The following ANKMY1 variants were observed in gnomAD, a reference collection of about 807,000 sequenced individuals.
The protein encoded by ANKMY1 is ankyrin repeat and MYND domain-containing protein 1.
Under a neutral mutation model 102.0 loss-of-function variants are expected in ANKMY1, and 98 were observed. The ratio of observed to expected loss-of-function variants is 0.96; its 90% CI spans 0.82 to 1.14. The LOEUF (loss-of-function observed/expected upper bound fraction) is 1.14, where lower values mean the gene tolerates loss of function less well. ANKMY1 is among the 50% of genes most tolerant of loss of function. The pLI is 0.00. For missense variants in ANKMY1, 1,330 were observed against 1,347.6 expected (o/e 0.99, Z 0.20); for synonymous variants, 582 against 559.9 (o/e 1.04, Z -0.56).
intron 9 of ANKMY1, among the ~76,000 whole-genome samples, chr2:240,517,302 A>G (rs1255566331): frequency 6.6e-6 from 1 of 152,168 alleles, no homozygotes; most frequent in Admixed American, 6.6e-5. Context: ...TCCTTTGCAC[A>G]CTTCCGGGCA....
Position 240,529,301 on chromosome 2 carries a change from T to A in ANKMY1, c.689A>T (p.Glu230Val), listed in dbSNP as rs750601279. The A allele has an allele frequency of 2.9e-5, 47 of 1,614,172 alleles. No individual in the cohort carries two copies. The highest frequency in any genetic ancestry group is 3.8e-5 in the Non-Finnish European group (45 of 1,180,036). Residue 230 changes from glutamate to valine, a missense_variant, in exon 5 of 18, where the codon GAG becomes GTG. Coordinates refer to ENST00000401804, the MANE Select transcript of ANKMY1 (RefSeq NM_001282771.3). This position sits in a 1 kb window ranked among gnomAD's most constrained non-coding sequence, Gnocchi z 4.2. ...RISLSEEEKT[E>V]WGLQEGQDPF... The stretch of plus-strand genomic sequence containing the variant: ...ATCCTGTCCCTCCTGCAGTCCCCAC[T>A]CCGTTTTCTCCTCTTCTGAGAGGCT...
downstream of ANKMY1, among the ~76,000 whole-genome samples, chr2:240,478,467 G>A (rs960629517): frequency 4.6e-5 from 7 of 152,222 alleles, no homozygotes; most frequent in African/African-American, 1.7e-4. Flanking sequence ...AGACCCCCCT[G>A]AGCAGGAACA....
Position 240,499,824 on chromosome 2 carries a change from C to T in ANKMY1, c.2806+134G>A. ...CTTGGACGACGGGACACAAAGGGGACAAGCCGACGAGCCCAGCCCCAGGAA... is the reference window on the plus strand; with the variant it reads ...CTTGGACGACGGGACACAAAGGGGATAAGCCGACGAGCCCAGCCCCAGGAA... On this transcript the variant is annotated intron_variant, in intron 15 of 17. Coordinates refer to ENST00000401804, the MANE Select transcript of ANKMY1 (RefSeq NM_001282771.3). The surrounding 1 kb of genome is among the most constrained non-coding windows in gnomAD (Gnocchi z 4.2). 1 of 1,186,638 alleles carries T rather than the reference C, an allele frequency of 8.4e-7. No homozygotes were observed. Among genetic ancestry groups the T allele is most frequent in the Non-Finnish European group, 1.1e-6 (1 of 870,976 alleles). The allele number at this position is 1,186,638 out of a possible 1,614,324, so 73.5% of individuals were successfully genotyped here.
At chr2:240,536,759 C>G (rs1397470049) in intron 4 of ANKMY1, among the ~76,000 whole-genome samples, 1 of 152,184 alleles carries the variant, frequency 6.6e-6, no homozygotes, top group African/African-American at 2.4e-5. Context: ...GTGGATCAGG[C>G]AGTTAATAAA....
chr2:240,544,212 G>A (rs1184660368), intron 4 of ANKMY1, among the ~76,000 whole-genome samples: 1 of 152,136 alleles, frequency 6.6e-6, no homozygotes, highest in Non-Finnish European at 1.5e-5. Context: ...AATTTTTCAT[G>A]AGAAAGAAAT....
upstream of ANKMY1, chr2:240,561,006 A>AGCCGCTCGGCCGCC: frequency 1.3e-6 from 2 of 1,538,308 alleles, no homozygotes; most frequent in Non-Finnish European, 1.7e-6. Context: ...GAACGGCCGC[A>AGCCGCTCGGCCGCC]GCCGCTCGGC....
rs200827415 is a variant in ANKMY1 at position 240,529,120 on chromosome 2, C to T, written c.870G>A (p.Pro290=). Residue 290 remains proline (P), a synonymous_variant, in exon 5 of 18, where the codon CCG becomes CCA. Transcript: ENST00000401804. This position sits in a 1 kb window ranked among gnomAD's most constrained non-coding sequence, Gnocchi z 4.2. ...DARIFLNEIP[P]FVEDGEPWFI... ...ACCATGGTTCTCCATCCTCAACGAA[C>T]GGAGGAATTTCATTGAGGAAGATGC... 310 of 1,614,146 alleles carry T rather than the reference C, an allele frequency of 1.9e-4. No individual in the cohort carries two copies. Among genetic ancestry groups the T allele is most frequent in the Admixed American group, 3.0e-4 (18 of 60,026 alleles).
In ANKMY1 at chr2:240,520,257, A is replaced by C; in HGVS notation, c.2004+105T>G. The C allele has an allele frequency of 2.5e-5, 37 of 1,474,400 alleles. No individual in the cohort carries two copies. The highest frequency in any genetic ancestry group is 3.1e-5 in the Non-Finnish European group (34 of 1,090,378). The allele number at this position is 1,474,400 out of a possible 1,614,324, so 91.3% of individuals were successfully genotyped here. ...CTCACAGCCCAGGTGGTCGCCTGCA[A>C]GAGCCCACCCCTCTCTTCCGCGCCT... is the stretch of plus-strand genomic sequence containing the variant. On this transcript the variant is annotated intron_variant, in intron 9 of 17. Coordinates refer to ENST00000401804, the MANE Select transcript of ANKMY1 (RefSeq NM_001282771.3). This position sits in a 1 kb window ranked among gnomAD's most constrained non-coding sequence, Gnocchi z 4.8.
intron 4 of ANKMY1, among the ~76,000 whole-genome samples, chr2:240,543,332 G>A (rs1180481519): frequency 6.7e-6 from 1 of 149,790 alleles, no homozygotes; most frequent in Non-Finnish European, 1.5e-5. Flanking sequence ...CAGCCTGGGT[G>A]ATAGAGCGAG....
At position 240,526,417 on chromosome 2, in the gene ANKMY1, T is replaced by C. The variant is rs1456256915; in HGVS notation, c.982A>G (p.Met328Val). ...RNKPAHTSWN[M>V]GAILEGKRSG... ...CGCTTCCCCTCCAGGATGGCGCCCA[T>C]GTTCCAGCTGGTGTGAGCTGGCTTG... The change falls in exon 6 of 18, where the codon ATG (methionine) becomes GTG (valine). Residue 328 changes from methionine (M) to valine (V), a missense_variant. Coordinates refer to ENST00000401804, the MANE Select transcript of ANKMY1 (RefSeq NM_001282771.3). 3.1e-6 allele frequency: 5 copies of C among 1,614,180 alleles called. No individual in the cohort carries two copies. The highest frequency in any genetic ancestry group is 3.3e-5 in the Admixed American group (2 of 60,026).
chr2:240,497,393 G>T (rs2077404707), intron 15 of ANKMY1, among the ~76,000 whole-genome samples: 1 of 152,214 alleles, frequency 6.6e-6, no homozygotes, highest in Non-Finnish European at 1.5e-5. Context: ...CTTCTACTGT[G>T]TTCTTGGCTG....
chr2:240,511,818 G>T lies in ANKMY1; in HGVS notation c.2286+43C>A, dbSNP rs200258995. 17 of 1,531,170 alleles carry T rather than the reference G, an allele frequency of 1.1e-5. 1 individual carries two copies. In the East Asian group the frequency reaches 3.2e-4, roughly 29 times the overall value. 94.8% of individuals were successfully genotyped at this position (1,531,170 alleles called of 1,614,324 possible). On this transcript the variant is annotated intron_variant, in intron 11 of 17. Transcript: ENST00000401804. ...CAAGGCCCTGGAAGGTGGCCCCACC[G>T]CTGGGCAGCCCTGTGCCCCCGCCAG...
chr2:240,520,151 T>G lies in ANKMY1; in HGVS notation c.2004+211A>C, dbSNP rs2081913465. 1 of 809,106 alleles carries G rather than the reference T, an allele frequency of 1.2e-6. No homozygotes were observed. The highest frequency in any genetic ancestry group is 2.1e-6 in the Non-Finnish European group (1 of 471,322). 50.1% of individuals were successfully genotyped at this position (809,106 alleles called of 1,614,324 possible). A position where few individuals can be genotyped will look rare whatever the true frequency, so the allele number is the denominator to read the frequency against. On this transcript the variant is annotated intron_variant, in intron 9 of 17. Transcript: ENST00000401804. This position sits in a 1 kb window ranked among gnomAD's most constrained non-coding sequence, Gnocchi z 4.8. ...ACGGATCGTGAAGTACTCTAAAAACTAGCTCGGTGTCCAAATCCTGTCTGG... is the reference window on the plus strand; with the variant it reads ...ACGGATCGTGAAGTACTCTAAAAACGAGCTCGGTGTCCAAATCCTGTCTGG...
chr2:240,557,273 T>A lies in ANKMY1; in HGVS notation c.63A>T (p.Gln21His), dbSNP rs770596586. 1.1e-5 allele frequency: 17 copies of A among 1,594,436 alleles called. No individual in the cohort carries two copies. Among genetic ancestry groups the A allele is most frequent in the Non-Finnish European group, 1.5e-5 (17 of 1,169,806 alleles). ...CGCCGCCCTTCCCCTCTAGCGGGCG[T>A]TGGCGGCTGCCAGCCCCAGAGACTT... ...EDEVSGAGSRQRPLEGKGGET... is the reference protein window; with the variant it reads ...EDEVSGAGSRHRPLEGKGGET... The change falls in exon 2 of 18, where the codon CAA (glutamine) becomes CAT (histidine). Residue 21 changes from glutamine to histidine, a missense_variant. Gln to His is a conservative substitution (Grantham distance 24). Transcript: ENST00000401804.
At chr2:240,519,060 C>T (rs1477987176) in intron 9 of ANKMY1, among the ~76,000 whole-genome samples, 1 of 152,222 alleles carries the variant, frequency 6.6e-6, no homozygotes, top group Non-Finnish European at 1.5e-5. Flanking sequence ...AGTGTTTACA[C>T]AACCGGAGAA....
intron 2 of ANKMY1, among the ~76,000 whole-genome samples, chr2:240,555,894 C>T (rs957763772): frequency 3.9e-5 from 6 of 152,026 alleles, no homozygotes; most frequent in African/African-American, 1.5e-4. Flanking sequence ...AGTTCCCCCC[C>T]AGACGGACAG....
chr2:240,502,110 T>C (rs1043113659), intron 13 of ANKMY1, among the ~76,000 whole-genome samples: 1 of 152,000 alleles, frequency 6.6e-6, no homozygotes, highest in African/African-American at 2.4e-5. Flanking sequence ...GATGGACAGG[T>C]GGGTGGATGA....
chr2:240,527,954 G>T (rs1213470719), intron 5 of ANKMY1: 3 of 152,186 alleles, frequency 2.0e-5, no homozygotes, highest in Non-Finnish European at 4.4e-5. Context: ...CAATATTTAG[G>T]AAAGGAATTA....
chr2:240,475,996 A>C (rs1187153338), downstream of ANKMY1, among the ~76,000 whole-genome samples: 1 of 152,196 alleles, frequency 6.6e-6, no homozygotes, highest in Admixed American at 6.5e-5. Flanking sequence ...AAATAGCAAA[A>C]ACAATCTTAA....
Sources: allele counts gnomAD v4.1 joint callset (sites outside exome capture counted in the v4.1 genomes callset), GRCh38; gene constraint gnomAD v4.1.1; non-coding constraint Gnocchi (gnomAD v3.1); transcripts MANE v1.5; gene names NCBI Gene and HGNC (gene_info 2026-07-23, HGNC 2026-07-21).